The following JDP2 variants were observed in gnomAD, a reference collection of about 807,000 sequenced individuals.
JDP2 encodes Jun dimerization protein 2, also known as progesterone receptor co-activator.
JDP2 carries 9 observed loss-of-function variants against 17.1 expected under a neutral mutation model. That is an observed-to-expected ratio of 0.53 (90% CI 0.32 to 0.92). The LOEUF (loss-of-function observed/expected upper bound fraction) is 0.92. Among genes scored for constraint, JDP2 ranks in the 40% least tolerant of loss-of-function variants. The pLI is 0.04. For missense variants in JDP2, 179 were observed against 220.0 expected (o/e 0.81, Z 1.18); for synonymous variants, 107 against 95.6 (o/e 1.12, Z -0.69).
At chr14:75,439,345 G>C (rs546521886) in intron 2 of JDP2, among the ~76,000 whole-genome samples, 1 of 152,224 alleles carries the variant, frequency 6.6e-6, no homozygotes, top group African/African-American at 2.4e-5. Context: ...GGCCGGCTCA[G>C]TGTTTTAAAA....
chr14:75,464,245 TA>T (rs1035073342), intron 3 of JDP2, among the ~76,000 whole-genome samples: 40 of 152,174 alleles, frequency 2.6e-4, no homozygotes, highest in Non-Finnish European at 5.4e-4. Flanking sequence ...TTTTAATAGG[TA>T]AAATACAAGG....
chr14:75,433,312 A>G (rs971187616), intron 1 of JDP2, among the ~76,000 whole-genome samples: 1 of 148,500 alleles, frequency 6.7e-6, no homozygotes, highest in Non-Finnish European at 1.5e-5. Context: ...GCACCAACCT[A>G]ATATTTTACA....
Position 75,457,326 on chromosome 14 carries a change from C to T in JDP2, c.202-4100C>T, listed in dbSNP as rs145038327. The stretch of plus-strand genomic sequence containing the variant: ...GAGGCAGCAGCCCTGACTCTGGGGA[C>T]GAAGGAGCCCCAAGAAGGGCTGGGG... On this transcript the variant is annotated intron_variant, in intron 2 of 3. Transcript: ENST00000651602. 9.7e-3 allele frequency among the ~76,000 whole-genome samples: 1,478 copies of T among 152,342 alleles called. 12 individuals are homozygous for T. The highest frequency in any genetic ancestry group is 0.031 in the Middle Eastern group (9 of 294).
rs1175744725 is a variant in JDP2, at chr14:75,469,680, G to A, written c.*205G>A. ...AGAGCGGGCTGAGGAAACCCAGAGG[G>A]ACCAAGCGCTGAGACCAAAGTTGAC... On this transcript the variant is annotated 3_prime_UTR_variant, in exon 4 of 4. Coordinates refer to ENST00000651602, the MANE Select transcript of JDP2 (RefSeq NM_001135048.2). 1 of 571,816 alleles carries A rather than the reference G, an allele frequency of 1.7e-6. No individual in the cohort carries two copies. Among genetic ancestry groups the A allele is most frequent in the Non-Finnish European group, 3.1e-6 (1 of 323,652 alleles). The allele number at this position is 571,816 out of a possible 1,614,324, so 35.4% of individuals were successfully genotyped here.
intron 1 of JDP2, chr14:75,432,400 C>A: frequency 2.0e-6 from 3 of 1,470,760 alleles, no homozygotes; most frequent in Non-Finnish European, 2.8e-6. Context: ...TCCTGCCCTC[C>A]GCATCCGGTT....
intron 2 of JDP2, among the ~76,000 whole-genome samples, chr14:75,455,914 C>T (rs1423329542): frequency 6.6e-6 from 1 of 152,174 alleles, no homozygotes; most frequent in Admixed American, 6.5e-5. Flanking sequence ...CTTTTATTGG[C>T]GGCTGCTTAA....
chr14:75,461,323 T>G, intron 2 of JDP2, 103 bp from the exon 3 acceptor site: 1 of 788,416 alleles, frequency 1.3e-6, no homozygotes, highest in Non-Finnish European at 2.2e-6. Flanking sequence ...ACTGCCGAGA[T>G]GTGGGTTAGA....
intron 2 of JDP2, among the ~76,000 whole-genome samples, chr14:75,448,475 T>C (rs971074675): frequency 6.6e-6 from 1 of 152,202 alleles, no homozygotes; most frequent in Non-Finnish European, 1.5e-5. Flanking sequence ...TATCTGAGAA[T>C]GGTTAAAGGA....
At position 75,437,102 on chromosome 14, in the gene JDP2, G is replaced by C. The variant is rs992105206; in HGVS notation, c.-23-796G>C. Among the ~76,000 whole-genome samples, 61 of 150,562 alleles carry C rather than the reference G, an allele frequency of 4.1e-4. 1 individual carries two copies. The highest frequency in any genetic ancestry group is 1.9e-3 in the South Asian group (9 of 4,766). ...CCAGCTACTCGTGAGGCTGAGACAG[G>C]AGAATTGCTTGAACCCAGGAGGCGG... On this transcript the variant is annotated intron_variant, in intron 1 of 3. Transcript: ENST00000651602.
intron 2 of JDP2, among the ~76,000 whole-genome samples, chr14:75,447,858 A>G (rs1304681948): frequency 2.0e-5 from 3 of 151,942 alleles, no homozygotes; most frequent in Admixed American, 6.6e-5. Context: ...GGGTTTTGCC[A>G]TGTTGCCCAG....
rs140308474 is a variant in JDP2, at chr14:75,458,485, G to T, written c.202-2941G>T. On this transcript the variant is annotated intron_variant, in intron 2 of 3. Transcript: ENST00000651602. ...TAACCTGAGCTCCATCTATGTTCCC[G>T]CAAAGGACATGATCCTGTTCCTTTT... Among the ~76,000 whole-genome samples, 701 of 152,158 alleles carry T rather than the reference G, an allele frequency of 4.6e-3. 5 individuals carry two copies. The highest frequency in any genetic ancestry group is 6.3e-3 in the Non-Finnish European group (430 of 67,998).
At chr14:75,443,436 T>A (rs1013581772) in intron 2 of JDP2, among the ~76,000 whole-genome samples, 2 of 152,196 alleles carry the variant, frequency 1.3e-5, no homozygotes, top group Admixed American at 6.5e-5. Flanking sequence ...TTTTTTTGTC[T>A]CATACTTGTT....
Position 75,441,118 on chromosome 14 carries a change from C to CGAGAGA in JDP2, c.201+3007_201+3012dup, listed in dbSNP as rs558707428. On this transcript the variant is annotated intron_variant, in intron 2 of 3. Coordinates refer to ENST00000651602, the MANE Select transcript of JDP2 (RefSeq NM_001135048.2). ...CTGCAGCCTTACTGTCTCCTAGTTCCGAGAGAGAGAGAGAGGGAGAGAGAG... is the reference window on the plus strand; with the variant it reads ...CTGCAGCCTTACTGTCTCCTAGTTCCGAGAGAGAGAGAGAGAGAGAGGGAGAGAGAG... 1.9e-3 allele frequency among the ~76,000 whole-genome samples: 293 copies of CGAGAGA among 150,340 alleles called. 3 individuals are homozygous for CGAGAGA. The highest frequency in any genetic ancestry group is 0.015 in the South Asian group (72 of 4,744).
At chr14:75,467,743 C>G (rs1172561645) in intron 3 of JDP2, among the ~76,000 whole-genome samples, 1 of 152,120 alleles carries the variant, frequency 6.6e-6, no homozygotes, top group Non-Finnish European at 1.5e-5. Flanking sequence ...TCTCTCCTGG[C>G]CCTCCGAGAT....
chr14:75,469,251 C>A (rs1248421114), intron 3 of JDP2, 39 bp from the exon 4 acceptor site: 1 of 1,588,648 alleles, frequency 6.3e-7, no homozygotes, highest in South Asian at 1.1e-5. Flanking sequence ...AGAGCCAGTC[C>A]CCGTGAAACT....
At chr14:75,457,455 G>A (rs1886162630) in intron 2 of JDP2, among the ~76,000 whole-genome samples, 2 of 152,370 alleles carry the variant, frequency 1.3e-5, no homozygotes, top group South Asian at 4.1e-4. Flanking sequence ...TCTTGTTTCT[G>A]GTAGGGCCTT....
chr14:75,445,231 T>C (rs779822419), intron 2 of JDP2: 9 of 985,434 alleles, frequency 9.1e-6, no homozygotes, highest in Non-Finnish European at 1.1e-5. Context: ...GGCCTGAGGT[T>C]GGAGCATGGA....
At chr14:75,468,285 A>G (rs151093890) in intron 3 of JDP2, among the ~76,000 whole-genome samples, 270 of 152,322 alleles carry the variant, frequency 1.8e-3, no homozygotes, top group African/African-American at 6.2e-3. Flanking sequence ...TGCTGGTAGC[A>G]CAGCTCCCTC....
At chr14:75,445,539 G>A (rs1885558686) in intron 2 of JDP2, 2 of 985,276 alleles carry the variant, frequency 2.0e-6, no homozygotes, top group African/African-American at 3.5e-5. Flanking sequence ...TAGCAAAGCA[G>A]GACTGCTGCA....
Sources: allele counts gnomAD v4.1 joint callset (sites outside exome capture counted in the v4.1 genomes callset), GRCh38; gene constraint gnomAD v4.1.1; transcripts MANE v1.5; gene names NCBI Gene and HGNC (gene_info 2026-07-23, HGNC 2026-07-21).